Variants in DCAF8L2 observed in about 807,000 individuals in gnomAD.
DCAF8L2 encodes DDB1 and CUL4 associated factor 8 like 2, also known as DDB1- and CUL4-associated factor 8-like protein 2.
For synonymous variants in DCAF8L2, 200 were observed against 190.9 expected (o/e 1.05, Z -0.39); for missense variants, 430 against 490.7 (o/e 0.88, Z 1.17).
chrX:27,643,225 C>T (rs763079278), intron 2 of DCAF8L2, among the ~76,000 whole-genome samples: 24 of 112,036 alleles, frequency 2.1e-4, no homozygotes, highest in Non-Finnish European at 4.3e-4. Context: ...CTCTCAACAC[C>T]CTAGCCAACA....
chrX:27,568,235 A>T, the DCAF8L2 span, among the ~76,000 whole-genome samples: 2 of 111,679 alleles, frequency 1.8e-5, no homozygotes, highest in African/African-American at 6.5e-5. Flanking sequence ...TATATGTCAT[A>T]GACAGGAGTA....
At chrX:27,554,009 A>T in the DCAF8L2 span, among the ~76,000 whole-genome samples, 1 of 112,143 alleles carries the variant, frequency 8.9e-6, no homozygotes. Flanking sequence ...CATTGGAGTC[A>T]GATGGCTATT....
chrX:27,578,275 A>G, the DCAF8L2 span, among the ~76,000 whole-genome samples: 1 of 111,682 alleles, frequency 9.0e-6, no homozygotes, highest in Non-Finnish European at 1.9e-5. Flanking sequence ...CAACAATCTG[A>G]TCTCTGACAA....
chrX:27,633,913 T>A (rs1042108697), intron 2 of DCAF8L2: 1 of 111,642 alleles, frequency 9.0e-6, no homozygotes, highest in Admixed American at 9.6e-5. Flanking sequence ...TTTCTGCTGG[T>A]GAAGGTCAAT....
chrX:27,533,916 A>G, the DCAF8L2 span, among the ~76,000 whole-genome samples: 1 of 112,484 alleles, frequency 8.9e-6, no homozygotes, highest in Admixed American at 9.4e-5. Flanking sequence ...GTGGTGGCTC[A>G]GCACTGTAAT....
chrX:27,702,869 T>G (rs1472211530), intron 3 of DCAF8L2, among the ~76,000 whole-genome samples: 1 of 110,665 alleles, frequency 9.0e-6, no homozygotes, highest in Non-Finnish European at 1.9e-5. Flanking sequence ...GTAAGAAAAA[T>G]AGATAAAAAT....
intron 2 of DCAF8L2, among the ~76,000 whole-genome samples, chrX:27,644,139 G>A (rs1928850799): frequency 8.9e-6 from 1 of 111,766 alleles, no homozygotes; most frequent in African/African-American, 3.3e-5. Flanking sequence ...CCATGACCCT[G>A]ATTTCCTTTT....
At chrX:27,513,236 G>A in the DCAF8L2 span, among the ~76,000 whole-genome samples, 1 of 112,035 alleles carries the variant, frequency 8.9e-6, no homozygotes, top group Non-Finnish European at 1.9e-5. Flanking sequence ...TGCAAAAATA[G>A]ACAAATGGGA....
At chrX:27,658,718 T>C (rs941990112) in intron 2 of DCAF8L2, among the ~76,000 whole-genome samples, 1 of 111,900 alleles carries the variant, frequency 8.9e-6, no homozygotes, top group Non-Finnish European at 1.9e-5. Context: ...TATTATGAGC[T>C]TTTACACCAC....
At chrX:27,544,321 G>T in the DCAF8L2 span, among the ~76,000 whole-genome samples, 188 of 111,967 alleles carry the variant, frequency 1.7e-3, no homozygotes, top group Admixed American at 2.9e-3. Context: ...GTATGACTCT[G>T]TGGCACATTA....
chrX:27,495,899 A>G, the DCAF8L2 span, among the ~76,000 whole-genome samples: 1 of 111,820 alleles, frequency 8.9e-6, no homozygotes, highest in Admixed American at 9.5e-5. Flanking sequence ...AAAGTGGTTA[A>G]CATTGTCTTT....
chrX:27,561,485 T>C, the DCAF8L2 span, among the ~76,000 whole-genome samples: 47,697 of 110,481 alleles, frequency 0.43, 8,699 homozygotes, highest in South Asian at 0.68. Flanking sequence ...AAGTCTACAT[T>C]CAGTGTTTTT....
rs750692791 is a variant in DCAF8L2, at chrX:27,618,857, AG to A, written c.-341-13021del. ...GCTTTATTGATCATAGACCAAAAGT[AG>A]TAAAGCTTTGGGAAAAGGTTTAGTT... On this transcript the variant is annotated intron_variant, in intron 1 of 4. Transcript: ENST00000451261. 4.8e-3 allele frequency among the ~76,000 whole-genome samples: 530 copies of A among 111,461 alleles called. 5 individuals carry two copies. Among genetic ancestry groups the A allele is most frequent in the African/African-American group, 0.016 (507 of 30,755 alleles).
the DCAF8L2 span, chrX:27,518,572 T>A: frequency 3.6e-6 from 1 of 277,745 alleles, no homozygotes; most frequent in Non-Finnish European, 6.4e-6. Context: ...ACCCCGTCTC[T>A]ACTAAAAATA....
chrX:27,524,830 T>C, the DCAF8L2 span, among the ~76,000 whole-genome samples: 7 of 111,923 alleles, frequency 6.3e-5, no homozygotes, highest in African/African-American at 1.9e-4. Context: ...TTCCATGTAG[T>C]TGAGCGGTTT....
the DCAF8L2 span, among the ~76,000 whole-genome samples, chrX:27,533,042 C>G: frequency 2.9e-5 from 3 of 101,987 alleles, no homozygotes; most frequent in South Asian, 1.5e-3. Context: ...GAACCACTGC[C>G]CTCCAGCCTG....
At chrX:27,501,969 A>G in the DCAF8L2 span, among the ~76,000 whole-genome samples, 1 of 110,154 alleles carries the variant, frequency 9.1e-6, no homozygotes, top group Non-Finnish European at 1.9e-5. Flanking sequence ...AGGAATATAA[A>G]TATGTGAAAG....
At chrX:27,495,149 A>T in the DCAF8L2 span, among the ~76,000 whole-genome samples, 6 of 111,790 alleles carry the variant, frequency 5.4e-5, no homozygotes, top group Admixed American at 5.7e-4. Context: ...TCCCAGTATC[A>T]TTTGTGGAAG....
intron 1 of DCAF8L2, among the ~76,000 whole-genome samples, chrX:27,629,378 T>C (rs1216720424): frequency 2.7e-5 from 3 of 111,900 alleles, no homozygotes; most frequent in Non-Finnish European, 5.6e-5. Context: ...CTGATTTTAG[T>C]GTATGGTTTA....
Sources: gnomAD v4.1 joint callset for allele counts (sites outside exome capture counted in the v4.1 genomes callset) on GRCh38, gnomAD v4.1.1 for gene constraint, MANE v1.5 for transcripts, NCBI Gene and HGNC (gene_info 2026-07-23, HGNC 2026-07-21) for gene names.